SERINC5: variants seen among roughly 807,000 people sequenced by gnomAD.
The protein encoded by SERINC5 is chromosome 5 open reading frame 12.
Under a neutral mutation model 63.1 loss-of-function variants are expected in SERINC5, and 41 were observed. That is an observed-to-expected ratio of 0.65 (90% CI 0.51 to 0.84). The LOEUF (loss-of-function observed/expected upper bound fraction) is 0.84, where lower values mean the gene tolerates loss of function less well. SERINC5 is among the 40% of genes least tolerant of loss of function. The pLI is 0.00. For missense variants in SERINC5, 523 were observed against 573.0 expected (o/e 0.91, Z 0.89); for synonymous variants, 222 against 215.2 (o/e 1.03, Z -0.28).
At chr5:80,181,769 C>T (rs1306175657) in intron 2 of SERINC5, among the ~76,000 whole-genome samples, 1 of 152,170 alleles carries the variant, frequency 6.6e-6, no homozygotes, top group Non-Finnish European at 1.5e-5. Flanking sequence ...TCAGTCCTCA[C>T]TGGAGGACTC....
chr5:80,144,932 T>C (rs1305635310), intron 11 of SERINC5, among the ~76,000 whole-genome samples: 1 of 151,800 alleles, frequency 6.6e-6, no homozygotes, highest in Non-Finnish European at 1.5e-5. Flanking sequence ...GCTGTGGACC[T>C]GTAGAAAAAG....
chr5:80,133,001 G>A (rs1745007232), intron 11 of SERINC5, among the ~76,000 whole-genome samples: 1 of 152,118 alleles, frequency 6.6e-6, no homozygotes. Context: ...TTGGAGGTGG[G>A]GCCTGGTGGG....
chr5:80,233,870 G>A (rs565834287), intron 1 of SERINC5, among the ~76,000 whole-genome samples: 26 of 140,376 alleles, frequency 1.9e-4, no homozygotes, highest in African/African-American at 5.9e-4. Flanking sequence ...GGTGTGCAGC[G>A]GCATGATCTC....
chr5:80,161,046 A>ACACACGTG (rs1746887221), intron 7 of SERINC5, among the ~76,000 whole-genome samples: 1 of 140,936 alleles, frequency 7.1e-6, no homozygotes, highest in Admixed American at 7.4e-5. Flanking sequence ...GTATATATAT[A>ACACACGTG]TATGTATGTA....
rs886861009 is a variant in SERINC5, at chr5:80,188,836, G to A, written c.196-10772C>T. Among the ~76,000 whole-genome samples the A allele has an allele frequency of 3.3e-5, 5 of 152,220 alleles. No homozygotes were observed. In the South Asian group the frequency reaches 1.0e-3, roughly 32 times the overall value. On this transcript the variant is annotated intron_variant, in intron 2 of 11. Coordinates refer to ENST00000507668, the MANE Select transcript of SERINC5 (RefSeq NM_001174072.3). ...CCAAGAGTTTAGGAGACTGAGGTGG[G>A]AGGATCACTTCAGCCCAGAAGGTTG...
chr5:80,178,535 G>GT lies in SERINC5; in HGVS notation c.196-472dup, dbSNP rs1341563769. On this transcript the variant is annotated intron_variant, in intron 2 of 11. Coordinates refer to ENST00000507668, the MANE Select transcript of SERINC5 (RefSeq NM_001174072.3). ...GCACCACCATGCCCAGCTAATTTTT[G>GT]TATTTTTTTTTTTTTTTTTTTTTTT... Among the ~76,000 whole-genome samples, 204 of 81,556 alleles carry GT rather than the reference G, an allele frequency of 2.5e-3. 3 individuals are homozygous for GT. Among genetic ancestry groups the GT allele is most frequent in the African/African-American group, 8.6e-3 (192 of 22,402 alleles). The allele number at this position is 81,556 out of a possible 152,430, so 53.5% of individuals were successfully genotyped here.
At chr5:80,171,752 C>T (rs1747671285) in intron 5 of SERINC5, among the ~76,000 whole-genome samples, 1 of 151,904 alleles carries the variant, frequency 6.6e-6, no homozygotes, top group African/African-American at 2.4e-5. Flanking sequence ...ATTAGCTGGA[C>T]ATGCTAATTA....
intron 1 of SERINC5, among the ~76,000 whole-genome samples, chr5:80,237,143 G>C (rs1269348403): frequency 1.3e-5 from 2 of 151,848 alleles, no homozygotes; most frequent in African/African-American, 4.8e-5. Context: ...TTTCTTTTCT[G>C]GGCAGTATCA....
At chr5:80,209,189 T>C (rs1039624609) in intron 1 of SERINC5, among the ~76,000 whole-genome samples, 3 of 152,176 alleles carry the variant, frequency 2.0e-5, no homozygotes, top group Non-Finnish European at 2.9e-5. Flanking sequence ...GAGAATCGCT[T>C]GAACCCGGGG....
chr5:80,220,165 G>A lies in SERINC5; in HGVS notation c.28-17112C>T, dbSNP rs140866777. On this transcript the variant is annotated intron_variant, in intron 1 of 11. Coordinates refer to ENST00000507668, the MANE Select transcript of SERINC5 (RefSeq NM_001174072.3). Reference sequence around the variant, plus strand: ...GGAGGTTGCAGTGAGCCCAGACAGCGCCACCATACTCCAGCCTGGGCGACA... The same window carrying A: ...GGAGGTTGCAGTGAGCCCAGACAGCACCACCATACTCCAGCCTGGGCGACA... 6.2e-3 allele frequency among the ~76,000 whole-genome samples: 935 copies of A among 151,718 alleles called. 7 individuals carry two copies. Among genetic ancestry groups the A allele is most frequent in the African/African-American group, 0.021 (870 of 41,356 alleles).
At chr5:80,209,856 G>A (rs1352261206) in intron 1 of SERINC5, among the ~76,000 whole-genome samples, 4 of 151,904 alleles carry the variant, frequency 2.6e-5, no homozygotes, top group South Asian at 2.1e-4. Flanking sequence ...CAGCCCAGCC[G>A]GGGTAACATG....
intron 8 of SERINC5, among the ~76,000 whole-genome samples, chr5:80,154,063 T>C (rs888327487): frequency 1.3e-5 from 2 of 152,194 alleles, no homozygotes; most frequent in African/African-American, 4.8e-5. Context: ...CCCGTGACTA[T>C]TCCCAGCCTT....
intron 1 of SERINC5, among the ~76,000 whole-genome samples, chr5:80,218,545 C>A (rs189448398): frequency 1.3e-5 from 2 of 151,740 alleles, no homozygotes; most frequent in South Asian, 4.2e-4. Context: ...CATGGTGGCA[C>A]GTGCCTGTAA....
At chr5:80,246,568 C>A (rs1427441570) in intron 1 of SERINC5, among the ~76,000 whole-genome samples, 1 of 152,176 alleles carries the variant, frequency 6.6e-6, no homozygotes, top group Non-Finnish European at 1.5e-5. Flanking sequence ...TCAAAATTTA[C>A]TCTCTGATAA....
chr5:80,136,557 T>C (rs1189470176), downstream of SERINC5, among the ~76,000 whole-genome samples: 3 of 152,188 alleles, frequency 2.0e-5, no homozygotes, highest in African/African-American at 7.2e-5. Context: ...AATTAAAGAC[T>C]TAGCTGTTAA....
At position 80,219,701 on chromosome 5, in the gene SERINC5, C is replaced by T. The variant is rs531243418; in HGVS notation, c.28-16648G>A. Reference sequence around the variant, plus strand: ...CTGGCAGAGAACTGTCATGCAATTACCCCTTCGCCCCCAGCTTGAGAAACT... The same window carrying T: ...CTGGCAGAGAACTGTCATGCAATTATCCCTTCGCCCCCAGCTTGAGAAACT... On this transcript the variant is annotated intron_variant, in intron 1 of 11. Transcript: ENST00000507668. 1.5e-4 allele frequency among the ~76,000 whole-genome samples: 23 copies of T among 152,284 alleles called. No individual in the cohort carries two copies. The South Asian group carries it at 4.6e-3, about 30-fold the overall frequency.
chr5:80,198,573 T>C (rs372645069), intron 2 of SERINC5: 8 of 985,298 alleles, frequency 8.1e-6, no homozygotes, highest in East Asian at 2.3e-4. Flanking sequence ...GTTACAAGCA[T>C]GCAGTTCTTT....
At chr5:80,114,208 T>C (rs201395745) in intron 11 of SERINC5, among the ~76,000 whole-genome samples, 1 of 151,486 alleles carries the variant, frequency 6.6e-6, no homozygotes, top group African/African-American at 2.4e-5. Context: ...GGGTAATTTA[T>C]AAAGAAAGGA....
chr5:80,251,356 A>T (rs1752411649), intron 1 of SERINC5, among the ~76,000 whole-genome samples: 1 of 151,988 alleles, frequency 6.6e-6, no homozygotes, highest in Admixed American at 6.6e-5. Context: ...ATTGAGGAAA[A>T]TCTTGGTGAT....
Sources: allele counts gnomAD v4.1 joint callset (sites outside exome capture counted in the v4.1 genomes callset), GRCh38; gene constraint gnomAD v4.1.1; transcripts MANE v1.5; gene names NCBI Gene and HGNC (gene_info 2026-07-23, HGNC 2026-07-21).